CNTN4: variants seen among roughly 807,000 people sequenced by gnomAD.
The protein encoded by CNTN4 is contactin 4, also known as contactin-4.
A neutral mutation model predicts 122.5 loss-of-function variants in CNTN4; 77 were observed. The ratio of observed to expected loss-of-function variants is 0.63; its 90% confidence interval spans 0.52 to 0.76. The LOEUF (loss-of-function observed/expected upper bound fraction) is 0.76. Ranked by LOEUF, CNTN4 falls within the 30% of genes least tolerant of loss-of-function variation. CNTN4 has a pLI of 0.00. For missense variants in CNTN4, 1,256 were observed against 1,259.1 expected (o/e 1.00, Z 0.04); for synonymous variants, 512 against 447.0 (o/e 1.15, Z -1.83).
intron 7 of CNTN4, among the ~76,000 whole-genome samples, chr3:2,827,925 A>G (rs568059032): frequency 9.1e-4 from 139 of 152,312 alleles, no homozygotes; most frequent in African/African-American, 3.3e-3. Context: ...AAAAAAGCAA[A>G]ATGTGAGATT....
At chr3:2,719,980 C>T (rs776179729) in intron 4 of CNTN4, among the ~76,000 whole-genome samples, 20 of 152,068 alleles carry the variant, frequency 1.3e-4, no homozygotes, top group Non-Finnish European at 2.4e-4. Context: ...CAGATATCCA[C>T]AGTGTGGCAG....
rs1171469059 is a variant in CNTN4 at position 3,040,222 on chromosome 3, A to G, written c.2349A>G (p.Lys783=). The change falls in exon 20 of 25, where the codon AAA becomes AAG. Residue 783 remains lysine, a synonymous_variant. Transcript: ENST00000418658. Reference sequence around the variant, plus strand: ...TTAAAGTAGGTGTCTTCAACAACAAAGGAGAAGGCCCTTTCAGTCCCACCA... The same window carrying G: ...TTAAAGTAGGTGTCTTCAACAACAAGGGAGAAGGCCCTTTCAGTCCCACCA... ...FEVKVGVFNN[K]GEGPFSPTTV... is the part of the protein sequence containing the mutation. 6.2e-7 allele frequency: 1 copy of G among 1,614,216 alleles called. No individual in the cohort carries two copies. Among genetic ancestry groups the G allele is most frequent in the African/African-American group, 1.3e-5 (1 of 75,072 alleles).
intron 3 of CNTN4, among the ~76,000 whole-genome samples, chr3:2,392,672 A>G (rs1347048121): frequency 6.6e-6 from 1 of 152,186 alleles, no homozygotes; most frequent in Non-Finnish European, 1.5e-5. Flanking sequence ...AGCTATCTTG[A>G]AATATACAAT....
At chr3:2,596,910 G>C (rs2149706244) in intron 4 of CNTN4, among the ~76,000 whole-genome samples, 1 of 152,022 alleles carries the variant, frequency 6.6e-6, no homozygotes, top group Admixed American at 6.5e-5. Context: ...ATCTTTTTCG[G>C]TACTGTGTCC....
chr3:2,867,175 A>G (rs538000237), intron 8 of CNTN4, among the ~76,000 whole-genome samples: 1 of 152,346 alleles, frequency 6.6e-6, no homozygotes, highest in East Asian at 1.9e-4. Context: ...CTCAACAGGA[A>G]TAGAATGAGG....
intron 2 of CNTN4, among the ~76,000 whole-genome samples, chr3:2,265,352 T>A (rs13314962): frequency 0.029 from 4,386 of 152,162 alleles, 207 homozygotes; most frequent in African/African-American, 0.1. Context: ...GAGCTTTTTC[T>A]AAAAATGAGT....
intron 4 of CNTN4, among the ~76,000 whole-genome samples, chr3:2,649,858 G>A (rs2083285711): frequency 6.6e-6 from 1 of 151,906 alleles, no homozygotes; most frequent in African/African-American, 2.4e-5. Flanking sequence ...GCTGGGCACG[G>A]TGGCTCATAC....
At chr3:2,466,497 A>T (rs2075501852) in intron 3 of CNTN4, among the ~76,000 whole-genome samples, 1 of 152,264 alleles carries the variant, frequency 6.6e-6, no homozygotes, top group South Asian at 2.1e-4. Context: ...GAGAGAGGGG[A>T]GGGCAGTAAT....
intron 3 of CNTN4, among the ~76,000 whole-genome samples, chr3:2,405,732 T>G (rs540679468): frequency 6.6e-6 from 1 of 152,070 alleles, no homozygotes; most frequent in Non-Finnish European, 1.5e-5. Context: ...ATCAAAACAC[T>G]ATGTTAATGG....
intron 2 of CNTN4, among the ~76,000 whole-genome samples, chr3:2,133,995 C>T (rs1440732815): frequency 6.6e-6 from 1 of 152,122 alleles, no homozygotes; most frequent in Non-Finnish European, 1.5e-5. Flanking sequence ...GAAAGGCAAT[C>T]ATTTTAAAAC....
intron 4 of CNTN4, among the ~76,000 whole-genome samples, chr3:2,608,861 T>C (rs1159276238): frequency 6.6e-6 from 1 of 152,226 alleles, no homozygotes; most frequent in African/African-American, 2.4e-5. Context: ...AACTATCTGA[T>C]TCTTCTTTTC....
chr3:2,816,273 G>A (rs1381482994), intron 6 of CNTN4, among the ~76,000 whole-genome samples: 1 of 148,148 alleles, frequency 6.8e-6, no homozygotes, highest in South Asian at 2.1e-4. Context: ...AGAATGGCGT[G>A]AACCCAGGAG....
intron 6 of CNTN4, among the ~76,000 whole-genome samples, chr3:2,806,328 T>C (rs1230599592): frequency 6.6e-6 from 1 of 152,230 alleles, no homozygotes; most frequent in African/African-American, 2.4e-5. Flanking sequence ...TGTAAACGTC[T>C]TGAGATCAGG....
At chr3:2,684,865 C>G (rs868557903) in intron 4 of CNTN4, among the ~76,000 whole-genome samples, 29 of 152,198 alleles carry the variant, frequency 1.9e-4, no homozygotes, top group Middle Eastern at 6.8e-3. Context: ...CGGGAGTGCT[C>G]AAGCAAGAAG....
chr3:3,052,988 T>C (rs1701415164), intron 23 of CNTN4, among the ~76,000 whole-genome samples: 2 of 152,338 alleles, frequency 1.3e-5, no homozygotes, highest in South Asian at 2.1e-4. Flanking sequence ...ATTTCTTACA[T>C]GCTTCCTCTA....
intron 4 of CNTN4, among the ~76,000 whole-genome samples, chr3:2,720,994 A>G (rs989672316): frequency 2.0e-5 from 3 of 152,030 alleles, no homozygotes; most frequent in Non-Finnish European, 4.4e-5. Flanking sequence ...TTGTTTTGAG[A>G]CAGAGTCTTG....
chr3:2,420,448 T>C (rs1207297496), intron 3 of CNTN4, among the ~76,000 whole-genome samples: 6 of 152,124 alleles, frequency 3.9e-5, no homozygotes, highest in South Asian at 4.2e-4. Context: ...TTTTTTTTTT[T>C]CCTTTGAGAC....
chr3:2,607,322 A>G (rs2081298096), intron 4 of CNTN4, among the ~76,000 whole-genome samples: 1 of 152,188 alleles, frequency 6.6e-6, no homozygotes, highest in African/African-American at 2.4e-5. Flanking sequence ...CATATACACA[A>G]GAAGACACAT....
chr3:2,193,400 A>G (rs907755131), intron 2 of CNTN4, among the ~76,000 whole-genome samples: 1 of 152,206 alleles, frequency 6.6e-6, no homozygotes, highest in Non-Finnish European at 1.5e-5. Context: ...AGAAGGGACT[A>G]TAAAAATGGC....
Sources: allele counts gnomAD v4.1 joint callset (sites outside exome capture counted in the v4.1 genomes callset), GRCh38; gene constraint gnomAD v4.1.1; transcripts MANE v1.5; gene names NCBI Gene and HGNC (gene_info 2026-07-23, HGNC 2026-07-21).